CSMD1: variants seen among roughly 807,000 people sequenced by gnomAD.
CSMD1 encodes CUB and Sushi multiple domains 1.
CSMD1 carries 213 observed loss-of-function variants against 417.5 expected under a neutral mutation model. The observed-to-expected ratio is 0.51, with a 90% CI of 0.46 to 0.57. The LOEUF is 0.57. Ranked by LOEUF, CSMD1 falls within the 20% of genes least tolerant of loss-of-function variation. The pLI, the probability that CSMD1 is intolerant of heterozygous loss-of-function variation, is 0.00. For missense variants in CSMD1, 6,923 were observed against 4,529.7 expected (o/e 1.53, Z -15.17); for synonymous variants, 2,862 against 1,736.8 (o/e 1.65, Z -16.11).
chr8:3,579,528 C>T (rs949882576), intron 9 of CSMD1, among the ~76,000 whole-genome samples: 1 of 152,030 alleles, frequency 6.6e-6, no homozygotes, highest in Non-Finnish European at 1.5e-5. Context: ...ATTGGATAGC[C>T]TATTTCTCAT....
chr8:3,950,620 G>A (rs1045701330), intron 5 of CSMD1, among the ~76,000 whole-genome samples: 6 of 152,148 alleles, frequency 3.9e-5, no homozygotes, highest in Admixed American at 6.5e-5. Context: ...TGGCTCAGCA[G>A]GAACGTGTTT....
chr8:3,604,577 T>C (rs1801520245), intron 8 of CSMD1, among the ~76,000 whole-genome samples: 1 of 151,920 alleles, frequency 6.6e-6, no homozygotes, highest in Non-Finnish European at 1.5e-5. Flanking sequence ...TATAAGTATA[T>C]GAAATCTATA....
intron 1 of CSMD1, among the ~76,000 whole-genome samples, chr8:4,736,753 C>G (rs1810272196): frequency 6.6e-6 from 1 of 152,134 alleles, no homozygotes; most frequent in Non-Finnish European, 1.5e-5. Flanking sequence ...ACTTTGGAAG[C>G]AGGTTTCATG....
chr8:4,358,451 C>G (rs1468968002), intron 3 of CSMD1, among the ~76,000 whole-genome samples: 1 of 152,166 alleles, frequency 6.6e-6, no homozygotes, highest in Non-Finnish European at 1.5e-5. Flanking sequence ...CACAGTCGGC[C>G]TGGGGGGAGC....
intron 1 of CSMD1, among the ~76,000 whole-genome samples, chr8:4,884,085 G>T (rs1490156354): frequency 1.3e-5 from 2 of 152,006 alleles, no homozygotes; most frequent in Non-Finnish European, 2.9e-5. Flanking sequence ...GATGGCAAAT[G>T]ATATTGAACA....
At chr8:4,172,694 G>A (rs758086837) in intron 3 of CSMD1, among the ~76,000 whole-genome samples, 1 of 152,142 alleles carries the variant, frequency 6.6e-6, no homozygotes, top group African/African-American at 2.4e-5. Flanking sequence ...ATATTCATTA[G>A]AATATTGCAA....
At chr8:3,933,216 A>G (rs1341426822) in intron 5 of CSMD1, among the ~76,000 whole-genome samples, 1 of 135,804 alleles carries the variant, frequency 7.4e-6, no homozygotes, top group Non-Finnish European at 1.6e-5. Context: ...ATTTCTTGTT[A>G]AGTAGAAAAG....
intron 5 of CSMD1, among the ~76,000 whole-genome samples, chr8:3,789,350 G>C (rs1169883838): frequency 1.4e-5 from 2 of 143,908 alleles, no homozygotes; most frequent in African/African-American, 2.6e-5. Context: ...AATGTAACTT[G>C]TGTCTGCTTG....
chr8:4,381,595 C>G (rs542961962), intron 3 of CSMD1, among the ~76,000 whole-genome samples: 31 of 152,090 alleles, frequency 2.0e-4, no homozygotes, highest in Non-Finnish European at 1.8e-4. Flanking sequence ...ACCACTTCCC[C>G]TTGGTTCCCG....
chr8:2,985,938 AGGGAAG>A (rs747304622), intron 54 of CSMD1, among the ~76,000 whole-genome samples: 1,477 of 101,730 alleles, frequency 0.015, 19 homozygotes, highest in Non-Finnish European at 0.019. Context: ...AGGGGAGGGA[AGGGAAG>A]GGGAAGGGGA....
chr8:4,770,503 C>A (rs911954669), intron 1 of CSMD1, among the ~76,000 whole-genome samples: 2 of 150,774 alleles, frequency 1.3e-5, no homozygotes, highest in African/African-American at 4.9e-5. Flanking sequence ...CCTCAAATAG[C>A]CAAAGCAATT....
chr8:4,900,934 C>G (rs528162179), intron 1 of CSMD1, among the ~76,000 whole-genome samples: 1 of 152,186 alleles, frequency 6.6e-6, no homozygotes, highest in Non-Finnish European at 1.5e-5. Context: ...ATCCTAAGTG[C>G]CCAGCACAGT....
chr8:4,907,905 T>C (rs992678002), intron 1 of CSMD1, among the ~76,000 whole-genome samples: 2 of 152,104 alleles, frequency 1.3e-5, no homozygotes, highest in Non-Finnish European at 2.9e-5. Context: ...TAACAAAAAA[T>C]TGTGTTTCTT....
At chr8:3,089,925 A>G (rs989303221) in intron 48 of CSMD1, among the ~76,000 whole-genome samples, 7 of 152,184 alleles carry the variant, frequency 4.6e-5, no homozygotes, top group Non-Finnish European at 8.8e-5. Context: ...GCTACTAAGA[A>G]TTTCTCTGCA....
At chr8:4,405,301 A>C (rs1804930898) in intron 3 of CSMD1, among the ~76,000 whole-genome samples, 1 of 152,172 alleles carries the variant, frequency 6.6e-6, no homozygotes, top group Non-Finnish European at 1.5e-5. Flanking sequence ...ATATTGAAAT[A>C]ACTTCCACTT....
intron 7 of CSMD1, among the ~76,000 whole-genome samples, chr8:3,632,011 A>C (rs745693246): frequency 1.3e-5 from 2 of 152,216 alleles, no homozygotes; most frequent in African/African-American, 2.4e-5. Context: ...TTCTCTAACC[A>C]TAGGTTAACT....
intron 3 of CSMD1, among the ~76,000 whole-genome samples, chr8:4,041,863 G>C (rs111912850): frequency 1.2e-4 from 19 of 152,216 alleles, no homozygotes; most frequent in African/African-American, 4.3e-4. Context: ...AACCATCTGA[G>C]ATTCAAAAAT....
chr8:4,735,007 C>T lies in CSMD1; in HGVS notation c.86-97449G>A, dbSNP rs572889196. ...TTATAAGATGTTGCTGAGAAGTGCT[C>T]GGGTTGTTTGAAATCACATCAAAAT... On this transcript the variant is annotated intron_variant, in intron 1 of 69. Coordinates refer to ENST00000635120, the MANE Select transcript of CSMD1 (RefSeq NM_033225.6). 1.9e-3 allele frequency among the ~76,000 whole-genome samples: 287 copies of T among 152,244 alleles called. 1 individual carries two copies. Among genetic ancestry groups the T allele is most frequent in the African/African-American group, 6.1e-3 (252 of 41,530 alleles).
At chr8:4,623,722 C>CTCTCCT (rs1801917113) in intron 2 of CSMD1, among the ~76,000 whole-genome samples, 1 of 151,848 alleles carries the variant, frequency 6.6e-6, no homozygotes, top group African/African-American at 2.4e-5. Context: ...AGAAGTTAGG[C>CTCTCCT]ATATACAGAT....
Sources: allele counts gnomAD v4.1 joint callset (sites outside exome capture counted in the v4.1 genomes callset), GRCh38; gene constraint gnomAD v4.1.1; transcripts MANE v1.5; gene names NCBI Gene and HGNC (gene_info 2026-07-23, HGNC 2026-07-21).